C20orf96: variants seen among roughly 807,000 people sequenced by gnomAD.
C20orf96 encodes the protein chromosome 20 open reading frame 96.
C20orf96 carries 57 observed loss-of-function variants against 52.6 expected under a neutral mutation model. The ratio of observed to expected loss-of-function variants is 1.08; its 90% CI spans 0.88 to 1.35. C20orf96 has a LOEUF of 1.35. Ranked by LOEUF, C20orf96 falls within the 40% of genes most tolerant of loss-of-function variation. The pLI, the probability that C20orf96 is intolerant of heterozygous loss-of-function variation, is 0.00. For missense variants in C20orf96, 478 were observed against 443.6 expected (o/e 1.08, Z -0.70); for synonymous variants, 168 against 157.2 (o/e 1.07, Z -0.51).
At chr20:275,145 A>G (rs1017194535) in intron 10 of C20orf96, among the ~76,000 whole-genome samples, 9 of 152,020 alleles carry the variant, frequency 5.9e-5, no homozygotes, top group African/African-American at 2.2e-4. Flanking sequence ...AGTGGCATGT[A>G]CTCTACTCAG....
chr20:271,115 C>T lies in C20orf96; in HGVS notation c.*92G>A. The T allele has an allele frequency of 9.2e-7, 1 of 1,083,964 alleles. No homozygotes were observed. The highest frequency in any genetic ancestry group is 1.4e-6 in the Non-Finnish European group (1 of 724,940). 67.1% of individuals were successfully genotyped at this position (1,083,964 alleles called of 1,614,324 possible). ...GAGCAGGGAGACTGTAGATCAGGGTCTGAATGGAGATCCGGTCCTGGAAGT... is the reference window on the plus strand; with the variant it reads ...GAGCAGGGAGACTGTAGATCAGGGTTTGAATGGAGATCCGGTCCTGGAAGT... On this transcript the variant is annotated 3_prime_UTR_variant, in exon 11 of 11. Coordinates refer to ENST00000360321, the MANE Select transcript of C20orf96 (RefSeq NM_153269.3).
At chr20:278,823 T>A (rs1188952245) in intron 5 of C20orf96, among the ~76,000 whole-genome samples, 1 of 142,010 alleles carries the variant, frequency 7.0e-6, no homozygotes, top group Non-Finnish European at 1.5e-5. Flanking sequence ...TCGGTCCTCT[T>A]GCAAAGCCCA....
intron 10 of C20orf96, among the ~76,000 whole-genome samples, chr20:275,538 C>T (rs1176002926): frequency 6.6e-6 from 1 of 152,186 alleles, no homozygotes; most frequent in African/African-American, 2.4e-5. Flanking sequence ...GAAGGGCAGG[C>T]AAAGAATTGG....
chr20:290,418 G>A, intron 1 of C20orf96, 111 bp from the exon 2 acceptor site: 14 of 1,553,590 alleles, frequency 9.0e-6, no homozygotes, highest in Non-Finnish European at 1.1e-5. Context: ...AGTTTACCGG[G>A]GACAATAGCC....
At chr20:271,326 C>A (rs774863617) in intron 10 of C20orf96, 59 bp from the exon 11 acceptor site, 38 of 1,370,876 alleles carry the variant, frequency 2.8e-5, no homozygotes, top group Non-Finnish European at 3.8e-5. Flanking sequence ...TGGGAGCACC[C>A]ACTCAGAGGA....
intron 3 of C20orf96, 136 bp from the exon 4 acceptor site, chr20:284,217 T>TA: frequency 1.5e-6 from 1 of 651,684 alleles, no homozygotes; most frequent in Non-Finnish European, 2.7e-6. Context: ...AATGTGACAC[T>TA]AGACCGAGGG....
In C20orf96 at chr20:290,698, G is replaced by A; in HGVS notation, c.-88C>T. 6.5e-7 allele frequency: 1 copy of A among 1,546,250 alleles called. No individual in the cohort carries two copies. Among genetic ancestry groups the A allele is most frequent in the African/African-American group, 1.4e-5 (1 of 71,324 alleles). ...GCTTTTCCAACTTCCTTGTCTCAGTGTAGATCGCGCGGTAACCCAGGCCAC... is the reference window on the plus strand; with the variant it reads ...GCTTTTCCAACTTCCTTGTCTCAGTATAGATCGCGCGGTAACCCAGGCCAC... On this transcript the variant is annotated 5_prime_UTR_variant, in exon 1 of 11. Transcript: ENST00000360321.
intron 4 of C20orf96, among the ~76,000 whole-genome samples, chr20:282,744 C>T (rs1441466728): frequency 6.6e-6 from 1 of 152,102 alleles, no homozygotes; most frequent in African/African-American, 2.4e-5. Context: ...TGGTGGTGGG[C>T]GCCTGTAATC....
intron 3 of C20orf96, among the ~76,000 whole-genome samples, chr20:288,967 G>A (rs1252316434): frequency 6.6e-6 from 1 of 152,130 alleles, no homozygotes; most frequent in Non-Finnish European, 1.5e-5. Flanking sequence ...GCCAAAATCT[G>A]ACCCCATGTC....
intron 1 of C20orf96, 69 bp downstream of exon 1, chr20:290,522 G>A: frequency 6.3e-7 from 1 of 1,580,934 alleles, no homozygotes; most frequent in Non-Finnish European, 8.6e-7. Context: ...CGGGACAGCG[G>A]CGGGGTGTGA....
intron 4 of C20orf96, among the ~76,000 whole-genome samples, chr20:283,390 G>C (rs2012300433): frequency 6.6e-6 from 1 of 151,768 alleles, no homozygotes. Flanking sequence ...TGCAACCTCT[G>C]CCTCCCAGGT....
chr20:289,459 A>G, intron 3 of C20orf96, 100 bp downstream of exon 3: 1 of 751,686 alleles, frequency 1.3e-6, no homozygotes, highest in Non-Finnish European at 2.4e-6. Context: ...TTATTACATC[A>G]GTTAGCCTAC....
At chr20:275,407 TGAA>T (rs1230025428) in intron 10 of C20orf96, among the ~76,000 whole-genome samples, 1 of 151,996 alleles carries the variant, frequency 6.6e-6, no homozygotes, top group East Asian at 1.9e-4. Flanking sequence ...GAGAGACAGA[TGAA>T]GAAGAAAAAT....
intron 10 of C20orf96, among the ~76,000 whole-genome samples, chr20:274,815 T>C (rs954080525): frequency 2.1e-5 from 3 of 144,378 alleles, no homozygotes; most frequent in African/African-American, 4.9e-5. Flanking sequence ...TCTTTTTTTT[T>C]TAATTAAAAA....
intron 3 of C20orf96, among the ~76,000 whole-genome samples, chr20:288,943 G>A (rs1425650741): frequency 2.0e-5 from 3 of 152,158 alleles, no homozygotes; most frequent in Non-Finnish European, 2.9e-5. Flanking sequence ...TTTTCCAAGT[G>A]AGTAAATGGC....
In C20orf96 at chr20:278,445, A is replaced by T. The variant is rs377664803; in HGVS notation, c.466-16T>A. The T allele has an allele frequency of 2.5e-6, 4 of 1,598,604 alleles. No homozygotes were observed. The African/African-American group carries it at 5.4e-5, about 21-fold the overall frequency. On this transcript the variant is annotated splice_polypyrimidine_tract_variant and intron_variant, in intron 5 of 10. Transcript: ENST00000360321. Reference sequence around the variant, plus strand: ...CGATGATGGTCTGCGGGAGGGGTGGAGTCAACTCACCCACAGGCTCTGCTG... The same window carrying T: ...CGATGATGGTCTGCGGGAGGGGTGGTGTCAACTCACCCACAGGCTCTGCTG...
At position 270,917 on chromosome 20, in the gene C20orf96, A is replaced by G. The variant is rs778469969; in HGVS notation, c.*290T>C. ...AAAGGAATAGCAGATTTAATCAGAAATTCCCACCTGGCCCAGCAGCACCAA... is the reference window on the plus strand; with the variant it reads ...AAAGGAATAGCAGATTTAATCAGAAGTTCCCACCTGGCCCAGCAGCACCAA... On this transcript the variant is annotated 3_prime_UTR_variant, in exon 11 of 11. Coordinates refer to ENST00000360321, the MANE Select transcript of C20orf96 (RefSeq NM_153269.3). 25 of 426,276 alleles carry G rather than the reference A, an allele frequency of 5.9e-5. No homozygotes were observed. Among genetic ancestry groups the G allele is most frequent in the Non-Finnish European group, 9.2e-5 (22 of 239,106 alleles). The allele number at this position is 426,276 out of a possible 1,614,324, so 26.4% of individuals were successfully genotyped here. A position where few individuals can be genotyped will look rare whatever the true frequency, so the allele number is the denominator to read the frequency against.
chr20:275,657 T>G (rs2011993741), intron 10 of C20orf96, among the ~76,000 whole-genome samples: 1 of 152,162 alleles, frequency 6.6e-6, no homozygotes, highest in South Asian at 2.1e-4. Flanking sequence ...AACTCTGCCT[T>G]CCTCAAAAAC....
At chr20:279,849 A>G (rs988180282) in intron 4 of C20orf96, among the ~76,000 whole-genome samples, 8 of 152,100 alleles carry the variant, frequency 5.3e-5, no homozygotes, top group Non-Finnish European at 1.5e-5. Flanking sequence ...GCGTGCCTGT[A>G]ATGCCAGCTA....
Sources: gnomAD v4.1 joint callset for allele counts (sites outside exome capture counted in the v4.1 genomes callset) on GRCh38, gnomAD v4.1.1 for gene constraint, MANE v1.5 for transcripts, NCBI Gene and HGNC (gene_info 2026-07-23, HGNC 2026-07-21) for gene names.